Variants in SLC36A2 observed in about 807,000 individuals in gnomAD.
The protein encoded by SLC36A2 is solute carrier family 36 member 2, also known as proton-coupled amino acid transporter 2.
Under a neutral mutation model 42.7 loss-of-function variants are expected in SLC36A2, and 39 were observed. The observed-to-expected ratio is 0.91, with a 90% CI of 0.71 to 1.19. The LOEUF (loss-of-function observed/expected upper bound fraction) is 1.19. SLC36A2 is among the 50% of genes most tolerant of loss of function. SLC36A2 has a pLI of 0.00. For missense variants in SLC36A2, 590 were observed against 613.7 expected (o/e 0.96, Z 0.41); for synonymous variants, 237 against 240.8 (o/e 0.98, Z 0.15).
chr5:151,345,613 C>T (rs1359645084), intron 1 of SLC36A2, among the ~76,000 whole-genome samples: 6 of 152,216 alleles, frequency 3.9e-5, no homozygotes, highest in African/African-American at 9.6e-5. Flanking sequence ...CATCGCTGAC[C>T]GAGCACTACA....
chr5:151,335,256 A>G, intron 6 of SLC36A2, 73 bp downstream of exon 6: 1 of 1,184,866 alleles, frequency 8.4e-7, no homozygotes, highest in Non-Finnish European at 1.2e-6. Flanking sequence ...GGCTCCAGGT[A>G]TCTAAAGCTC....
Position 151,316,887 on chromosome 5 carries a change from T to C in SLC36A2, c.1382A>G (p.Gln461Arg). 3 of 1,614,080 alleles carry C rather than the reference T, an allele frequency of 1.9e-6. No homozygotes were observed. The highest frequency in any genetic ancestry group is 2.5e-6 in the Non-Finnish European group (3 of 1,180,004). Reference sequence around the variant, plus strand: ...TGACTTGAGCAGCTCGTCCAGGGCCTGGTAGGTCCCCACCACAAAGCCCAC... The same window carrying C: ...TGACTTGAGCAGCTCGTCCAGGGCCCGGTAGGTCCCCACCACAAAGCCCAC... ...GFVGFVVGTY[Q>R]ALDELLKSED... is the part of the protein sequence containing the mutation. The change falls in exon 10 of 10, where the codon CAG becomes CGG. Residue 461 changes from glutamine to arginine, a missense_variant. Transcript: ENST00000335244.
At chr5:151,327,297 C>T (rs79611511) in intron 7 of SLC36A2, among the ~76,000 whole-genome samples, 4,614 of 152,208 alleles carry the variant, frequency 0.03, 100 homozygotes, top group South Asian at 0.042. Flanking sequence ...ATAACTGATC[C>T]CAAGTTGCAG....
intron 7 of SLC36A2, among the ~76,000 whole-genome samples, chr5:151,326,021 G>A (rs1299389249): frequency 1.3e-5 from 2 of 152,068 alleles, no homozygotes; most frequent in Non-Finnish European, 2.9e-5. Context: ...TTTATGTTAG[G>A]TGTGCTTCAA....
Position 151,322,035 on chromosome 5 carries a change from T to G in SLC36A2, c.1180+11A>C. ...GATCAGCAGGAACACTGCACTCTCCTTTCTACTCACATGTCAGGCAGACCA... is the reference window on the plus strand; with the variant it reads ...GATCAGCAGGAACACTGCACTCTCCGTTCTACTCACATGTCAGGCAGACCA... On this transcript the variant is annotated intron_variant, in intron 9 of 9. Coordinates refer to ENST00000335244, the MANE Select transcript of SLC36A2 (RefSeq NM_181776.3). The G allele has an allele frequency of 6.2e-7, 1 of 1,614,154 alleles. No homozygotes were observed. The highest frequency in any genetic ancestry group is 1.1e-5 in the South Asian group (1 of 91,076).
intron 1 of SLC36A2, among the ~76,000 whole-genome samples, chr5:151,344,798 T>C (rs1357979117): frequency 6.6e-6 from 1 of 152,068 alleles, no homozygotes; most frequent in African/African-American, 2.4e-5. Context: ...GGGCAGAAAC[T>C]AGCTCAATGT....
intron 9 of SLC36A2, among the ~76,000 whole-genome samples, chr5:151,318,644 C>A: frequency 7.0e-6 from 1 of 143,390 alleles, no homozygotes; most frequent in African/African-American, 2.5e-5. Context: ...TTTTAAAATG[C>A]CTAGAATTTT....
chr5:151,343,682 T>C, intron 2 of SLC36A2, 84 bp from the exon 3 acceptor site: 3 of 1,259,194 alleles, frequency 2.4e-6, no homozygotes, highest in Non-Finnish European at 3.5e-6. Flanking sequence ...TTGGTAGTGC[T>C]GATATCATGC....
intron 5 of SLC36A2, 38 bp downstream of exon 5, chr5:151,339,022 C>T: frequency 2.1e-6 from 3 of 1,462,846 alleles, no homozygotes; most frequent in East Asian, 4.6e-5. Context: ...GTGTCCTTGT[C>T]CATCTTTTCC....
intron 1 of SLC36A2, among the ~76,000 whole-genome samples, chr5:151,345,985 G>A (rs1756481257): frequency 6.6e-6 from 1 of 152,228 alleles, no homozygotes. Context: ...TAGCTGGTAA[G>A]CAGCTAAGTG....
At chr5:151,346,044 G>A (rs558619809) in intron 1 of SLC36A2, among the ~76,000 whole-genome samples, 1 of 152,276 alleles carries the variant, frequency 6.6e-6, no homozygotes, top group Non-Finnish European at 1.5e-5. Context: ...CGCTTACTCA[G>A]CCCGTTATTT....
intron 9 of SLC36A2, chr5:151,319,132 G>A (rs1755608307): frequency 1.0e-6 from 1 of 974,740 alleles, no homozygotes; most frequent in Non-Finnish European, 1.2e-6. Context: ...GGACATAAAA[G>A]TCTTCAATGA....
At chr5:151,332,456 C>T in intron 7 of SLC36A2, 1 of 455,894 alleles carries the variant, frequency 2.2e-6, no homozygotes. Context: ...TTGTCAAAAA[C>T]TAGAAACAAC....
chr5:151,318,502 AAAAT>A (rs1224621571), intron 9 of SLC36A2, among the ~76,000 whole-genome samples: 17 of 117,066 alleles, frequency 1.5e-4, no homozygotes, highest in East Asian at 5.5e-4. Context: ...ATCTATAATA[AAAAT>A]AAATAATAAA....
chr5:151,333,205 A>C lies in SLC36A2; in HGVS notation c.843+19T>G. On this transcript the variant is annotated intron_variant, in intron 7 of 9. Coordinates refer to ENST00000335244, the MANE Select transcript of SLC36A2 (RefSeq NM_181776.3). ...ACTCACAAGCACTAGGGATAAGGCCACCTCAATTCAAACCTTACCACACCA... is the reference window on the plus strand; with the variant it reads ...ACTCACAAGCACTAGGGATAAGGCCCCCTCAATTCAAACCTTACCACACCA... The C allele has an allele frequency of 6.2e-7, 1 of 1,603,634 alleles. No homozygotes were observed. The highest frequency in any genetic ancestry group is 2.2e-5 in the East Asian group (1 of 44,820).
Position 151,347,481 on chromosome 5 carries a change from G to A in SLC36A2, c.-21C>T. 8 of 1,612,990 alleles carry A rather than the reference G, an allele frequency of 5.0e-6. No individual in the cohort carries two copies. Among genetic ancestry groups the A allele is most frequent in the Non-Finnish European group, 6.8e-6 (8 of 1,179,938 alleles). On this transcript the variant is annotated 5_prime_UTR_variant, in exon 1 of 10. Transcript: ENST00000335244. ...GACATGACTGCTTAAGAAACAAGGAGCTCGGGGTGACAAAGAGGTCTGCTC... is the reference window on the plus strand; with the variant it reads ...GACATGACTGCTTAAGAAACAAGGAACTCGGGGTGACAAAGAGGTCTGCTC...
intron 7 of SLC36A2, among the ~76,000 whole-genome samples, chr5:151,329,473 C>T (rs1755938121): frequency 6.6e-6 from 1 of 152,134 alleles, no homozygotes; most frequent in Non-Finnish European, 1.5e-5. Context: ...AGATGCCAAC[C>T]TTAAGATGAC....
At chr5:151,345,178 G>A (rs1360128777) in intron 1 of SLC36A2, among the ~76,000 whole-genome samples, 1 of 152,208 alleles carries the variant, frequency 6.6e-6, no homozygotes. Context: ...CCTGTACCAG[G>A]TTAAGTCAAG....
chr5:151,333,284 G>C lies in SLC36A2; in HGVS notation c.783C>G (p.Ser261Arg). 1 of 1,614,122 alleles carries C rather than the reference G, an allele frequency of 6.2e-7. No homozygotes were observed. Residue 261 changes from serine to arginine, a missense_variant, in exon 7 of 10, where the codon AGC becomes AGG. Transcript: ENST00000335244. ...PDPSRLPLVASWKTYPLFFGT... is the reference protein window; with the variant it reads ...PDPSRLPLVARWKTYPLFFGT... ...CGAAGAAGAGAGGGTAGGTCTTCCA[G>C]CTTGCTACCAGTGGCAACCGGCTGG...
Sources: allele counts gnomAD v4.1 joint callset (sites outside exome capture counted in the v4.1 genomes callset), GRCh38; gene constraint gnomAD v4.1.1; transcripts MANE v1.5; gene names NCBI Gene and HGNC (gene_info 2026-07-23, HGNC 2026-07-21).